Variants in BEND6 observed in about 807,000 individuals in gnomAD.
BEND6 encodes the protein BEN domain-containing protein 6.
BEND6 carries 24 observed loss-of-function variants against 31.8 expected under a neutral mutation model. The ratio of observed to expected loss-of-function variants is 0.75; its 90% CI spans 0.55 to 1.06. BEND6 has a LOEUF of 1.06. BEND6 is among the 50% of genes least tolerant of loss of function. BEND6 has a pLI of 0.00. For synonymous variants in BEND6, 109 were observed against 114.6 expected (o/e 0.95, Z 0.31); for missense variants, 294 against 327.4 (o/e 0.90, Z 0.79).
At chr6:57,000,483 G>A (rs998091720) in intron 3 of BEND6, among the ~76,000 whole-genome samples, 7 of 151,792 alleles carry the variant, frequency 4.6e-5, no homozygotes, top group East Asian at 1.9e-4. Context: ...CTTTGTTCTC[G>A]TGTTTATCTG....
intron 3 of BEND6, among the ~76,000 whole-genome samples, chr6:56,996,466 A>G (rs1214039032): frequency 6.6e-6 from 1 of 151,778 alleles, no homozygotes; most frequent in African/African-American, 2.4e-5. Flanking sequence ...AACAAAAACA[A>G]AAACAAAAAA....
chr6:57,015,183 G>A lies in BEND6; in HGVS notation c.349G>A (p.Ala117Thr). The A allele has an allele frequency of 6.2e-7, 1 of 1,614,166 alleles. No homozygotes were observed. Among genetic ancestry groups the A allele is most frequent in the African/African-American group, 1.3e-5 (1 of 75,048 alleles). ...TGAAGAATTGGTTGGTATGGCCGAG[G>A]CTCTGCTTAAGGGTGGGGGAACCAT... ...QFEELVGMAE[A>T]LLKGGGTMST... is the part of the protein sequence containing the mutation. The change falls in exon 4 of 7, where the codon GCT becomes ACT. Residue 117 changes from alanine to threonine, a missense_variant. By Grantham distance (58) the Ala-to-Thr change is moderately conservative. Coordinates refer to ENST00000370746, the MANE Select transcript of BEND6 (RefSeq NM_152731.3).
chr6:57,018,499 C>A lies in BEND6; in HGVS notation c.791C>A (p.Thr264Asn), dbSNP rs778133982. 5.1e-6 allele frequency: 8 copies of A among 1,580,714 alleles called. No individual in the cohort carries two copies. Among genetic ancestry groups the A allele is most frequent in the Non-Finnish European group, 6.8e-6 (8 of 1,168,184 alleles). The stretch of plus-strand genomic sequence containing the variant: ...ATAGGGCAAAAGCTAAACAACTGTA[C>A]CAAGAAGCCAAATTTAAGCAAAAAT... ...RMIGQKLNNC[T>N]KKPNLSKNLN... is the part of the protein sequence containing the mutation. The change falls in exon 6 of 7, where the codon ACC becomes AAC. Residue 264 changes from threonine (T) to asparagine (N), a missense_variant. By Grantham distance (65) the Thr-to-Asn change is moderately conservative. Transcript: ENST00000370746.
intron 3 of BEND6, among the ~76,000 whole-genome samples, chr6:57,007,731 A>G (rs1292070639): frequency 2.0e-5 from 3 of 151,834 alleles, no homozygotes; most frequent in Non-Finnish European, 4.4e-5. Flanking sequence ...GGAGTTTGGG[A>G]AGTTTACAGT....
At chr6:57,018,236 C>G (rs892657116) in intron 5 of BEND6, among the ~76,000 whole-genome samples, 185 bp from the exon 6 acceptor site, 3 of 152,156 alleles carry the variant, frequency 2.0e-5, no homozygotes, top group African/African-American at 7.2e-5. Flanking sequence ...TCTGATATCT[C>G]TTGCTTTACT....
At position 56,973,115 on chromosome 6, in the gene BEND6, T is replaced by G. The variant is rs58950008; in HGVS notation, c.-100-8596T>G. ...AAACCATAAAGGAGACAGTGGGATA[T>G]ATGTTGAGAGAACCCTTCCTGGAGT... On this transcript the variant is annotated intron_variant, in intron 1 of 6. Transcript: ENST00000370746. 2.1e-3 allele frequency among the ~76,000 whole-genome samples: 317 copies of G among 152,328 alleles called. 1 individual carries two copies. The highest frequency in any genetic ancestry group is 7.4e-3 in the African/African-American group (308 of 41,572).
At chr6:56,971,591 A>T (rs895640524) in intron 1 of BEND6, among the ~76,000 whole-genome samples, 15 of 152,170 alleles carry the variant, frequency 9.9e-5, no homozygotes. Flanking sequence ...TACCACCAAC[A>T]GTGCACAGGG....
intron 2 of BEND6, among the ~76,000 whole-genome samples, chr6:56,988,687 C>T (rs920139070): frequency 6.6e-6 from 1 of 152,154 alleles, no homozygotes; most frequent in African/African-American, 2.4e-5. Context: ...CTGCCTGCCT[C>T]ATTCTAGAGG....
chr6:56,967,022 C>T (rs1337394888), intron 1 of BEND6, among the ~76,000 whole-genome samples: 1 of 152,062 alleles, frequency 6.6e-6, no homozygotes, highest in Non-Finnish European at 1.5e-5. Context: ...ACAGTAATAA[C>T]CCAGCAAACA....
At chr6:56,957,856 C>T (rs1592958047) in intron 1 of BEND6, among the ~76,000 whole-genome samples, 3 of 152,010 alleles carry the variant, frequency 2.0e-5, no homozygotes, top group Non-Finnish European at 4.4e-5. Flanking sequence ...GCCCTTCTTC[C>T]CTTTAGATTC....
chr6:56,955,998 T>C (rs931660969), intron 1 of BEND6, among the ~76,000 whole-genome samples: 2 of 152,236 alleles, frequency 1.3e-5, no homozygotes, highest in African/African-American at 4.8e-5. Context: ...TGTGCCTTTC[T>C]GCGGACGGCC....
chr6:56,957,456 G>T (rs908799878), intron 1 of BEND6, among the ~76,000 whole-genome samples: 1 of 152,090 alleles, frequency 6.6e-6, no homozygotes, highest in Non-Finnish European at 1.5e-5. Context: ...AGTATTAATT[G>T]CTTCTGTCTG....
chr6:56,957,833 G>A (rs574144663), intron 1 of BEND6, among the ~76,000 whole-genome samples: 1 of 152,266 alleles, frequency 6.6e-6, no homozygotes, highest in South Asian at 2.1e-4. Flanking sequence ...TGTAGAAGAT[G>A]GTCCATTATA....
At chr6:57,008,338 C>T (rs966469688) in intron 3 of BEND6, 8 of 663,126 alleles carry the variant, frequency 1.2e-5, no homozygotes, top group Non-Finnish European at 2.2e-5. Context: ...CCATGCAAGG[C>T]TACTACTGAT....
intron 3 of BEND6, among the ~76,000 whole-genome samples, chr6:57,005,876 A>C (rs1827141007): frequency 6.6e-6 from 1 of 152,220 alleles, no homozygotes. Context: ...GAACATTCTG[A>C]AAAAGAAGAA....
At chr6:56,971,908 CT>C (rs990289892) in intron 1 of BEND6, among the ~76,000 whole-genome samples, 2 of 152,006 alleles carry the variant, frequency 1.3e-5, no homozygotes, top group Non-Finnish European at 2.9e-5. Flanking sequence ...TATGGGTTGC[CT>C]TTTTAACTCT....
chr6:57,007,511 CA>C (rs1239148536), intron 3 of BEND6, among the ~76,000 whole-genome samples: 1 of 151,984 alleles, frequency 6.6e-6, no homozygotes, highest in African/African-American at 2.4e-5. Flanking sequence ...GCACAGGCAA[CA>C]AAAGCAAAAA....
chr6:57,021,261 A>G (rs903400867), intron 6 of BEND6, among the ~76,000 whole-genome samples: 1 of 152,214 alleles, frequency 6.6e-6, no homozygotes, highest in Admixed American at 6.5e-5. Context: ...TAATTTGGAC[A>G]TGCTTGATAA....
intron 1 of BEND6, among the ~76,000 whole-genome samples, chr6:56,962,533 A>G (rs1329338546): frequency 1.3e-5 from 2 of 152,208 alleles, no homozygotes; most frequent in Non-Finnish European, 2.9e-5. Context: ...CATAACATTC[A>G]TGCATTCCAC....
Sources: allele counts gnomAD v4.1 joint callset (sites outside exome capture counted in the v4.1 genomes callset), GRCh38; gene constraint gnomAD v4.1.1; transcripts MANE v1.5; gene names NCBI Gene and HGNC (gene_info 2026-07-23, HGNC 2026-07-21).